PRKAA2: variants seen among roughly 807,000 people sequenced by gnomAD.
PRKAA2 encodes the protein protein kinase AMP-activated catalytic subunit alpha 2, also known as 5'-AMP-activated protein kinase catalytic subunit alpha-2.
In PRKAA2, 40 loss-of-function variants were observed where a neutral mutation model predicts 56.3. That is an observed-to-expected ratio of 0.71 (90% CI 0.55 to 0.92). The LOEUF is 0.92. PRKAA2 is among the 40% of genes least tolerant of loss of function. The pLI is 0.00. For missense variants in PRKAA2, 542 were observed against 686.9 expected, an observed-to-expected ratio of 0.79 and a Z score of 2.36; for synonymous variants, 214 against 234.2, an observed-to-expected ratio of 0.91 and a Z score of 0.79.
intron 6 of PRKAA2, among the ~76,000 whole-genome samples, chr1:56,699,310 A>C (rs908080202): frequency 6.6e-6 from 1 of 152,182 alleles, no homozygotes; most frequent in Non-Finnish European, 1.5e-5. Flanking sequence ...ACCTTAAGTC[A>C]TATATCAATT....
chr1:56,709,782 A>G lies in PRKAA2; in HGVS notation c.*2069A>G, dbSNP rs1456130153. 2.6e-5 allele frequency: 4 copies of G among 152,190 alleles called. No individual in the cohort carries two copies. The highest frequency in any genetic ancestry group is 3.8e-4 in the East Asian group (2 of 5,202). The allele number at this position is 152,190 out of a possible 1,614,324, so 9.4% of individuals were successfully genotyped here. A position where few individuals can be genotyped will look rare whatever the true frequency, so the allele number is the denominator to read the frequency against. On this transcript the variant is annotated 3_prime_UTR_variant, in exon 9 of 9. Transcript: ENST00000371244. ...CATTAGTCTAATAGGTCAGATATTA[A>G]AAAATTGTTCATATCAAAATTACCT...
chr1:56,688,051 A>G (rs1310489979), intron 2 of PRKAA2, among the ~76,000 whole-genome samples: 1 of 152,188 alleles, frequency 6.6e-6, no homozygotes. Flanking sequence ...ATTTCTTGTA[A>G]TGCTTCAATA....
chr1:56,701,035 G>A (rs893192571), intron 6 of PRKAA2, among the ~76,000 whole-genome samples: 1 of 151,978 alleles, frequency 6.6e-6, no homozygotes, highest in Admixed American at 6.6e-5. Context: ...TTAATTTCCA[G>A]GGTTCTGAAA....
At chr1:56,666,222 T>C (rs1366423658) in intron 1 of PRKAA2, among the ~76,000 whole-genome samples, 1 of 152,188 alleles carries the variant, frequency 6.6e-6, no homozygotes, top group Non-Finnish European at 1.5e-5. Context: ...GTTAGTTATG[T>C]GTTAGGTACT....
At chr1:56,699,039 C>T (rs1644276906) in intron 6 of PRKAA2, among the ~76,000 whole-genome samples, 1 of 152,172 alleles carries the variant, frequency 6.6e-6, no homozygotes, top group African/African-American at 2.4e-5. Flanking sequence ...AACTTAGTTA[C>T]TTCCCACATA....
chr1:56,650,226 A>G (rs901203180), intron 1 of PRKAA2, among the ~76,000 whole-genome samples: 1 of 152,240 alleles, frequency 6.6e-6, no homozygotes, highest in African/African-American at 2.4e-5. Flanking sequence ...TTGTTTTTTA[A>G]AAGTATATGG....
At chr1:56,686,491 G>T (rs1241500126) in intron 2 of PRKAA2, among the ~76,000 whole-genome samples, 7 of 152,090 alleles carry the variant, frequency 4.6e-5, no homozygotes, top group Admixed American at 4.6e-4. Context: ...GGTTTAATTG[G>T]CCCACAGTTC....
At chr1:56,665,136 C>T (rs1481798379) in intron 1 of PRKAA2, among the ~76,000 whole-genome samples, 1 of 150,136 alleles carries the variant, frequency 6.7e-6, no homozygotes, top group East Asian at 2.0e-4. Flanking sequence ...TACAGTGGCA[C>T]TGTCTTGGCT....
At chr1:56,697,835 G>A (rs1209195048) in intron 6 of PRKAA2, among the ~76,000 whole-genome samples, 3 of 151,458 alleles carry the variant, frequency 2.0e-5, no homozygotes, top group Admixed American at 6.6e-5. Flanking sequence ...AAGTCAAATG[G>A]TAATGATTCA....
At chr1:56,685,320 A>G (rs1360427633) in intron 2 of PRKAA2, among the ~76,000 whole-genome samples, 1 of 16,614 alleles carries the variant, frequency 6.0e-5, no homozygotes, top group African/African-American at 2.8e-4. Context: ...ATTCAGAATG[A>G]GAAGGAGTTA....
At chr1:56,649,536 A>T (rs887765099) in intron 1 of PRKAA2, among the ~76,000 whole-genome samples, 1 of 151,474 alleles carries the variant, frequency 6.6e-6, no homozygotes, top group Admixed American at 6.6e-5. Flanking sequence ...ATTGATTGAT[A>T]GAAAGATAGA....
At chr1:56,682,418 C>T (rs1644161450) in intron 2 of PRKAA2, among the ~76,000 whole-genome samples, 2 of 152,082 alleles carry the variant, frequency 1.3e-5, no homozygotes. Flanking sequence ...ATGTGAAAAT[C>T]TGGGGACAGA....
At chr1:56,691,361 T>C in intron 2 of PRKAA2, 33 bp from the exon 3 acceptor site, 1 of 1,538,116 alleles carries the variant, frequency 6.5e-7, no homozygotes, top group Non-Finnish European at 9.0e-7. Context: ...TAAAGTAACA[T>C]ACTTTGTTAA....
chr1:56,662,412 A>G (rs1219151843), intron 1 of PRKAA2, among the ~76,000 whole-genome samples: 2 of 152,032 alleles, frequency 1.3e-5, no homozygotes, highest in Non-Finnish European at 2.9e-5. Context: ...TTAATTTTTA[A>G]TTTTAATTTC....
chr1:56,648,144 C>T (rs1340743631), intron 1 of PRKAA2, among the ~76,000 whole-genome samples: 1 of 152,058 alleles, frequency 6.6e-6, no homozygotes, highest in East Asian at 1.9e-4. Context: ...CCAAATGTTG[C>T]AACCATCATT....
intron 7 of PRKAA2, 86 bp from the exon 8 acceptor site, chr1:56,706,005 AC>A: frequency 8.8e-7 from 1 of 1,136,046 alleles, no homozygotes; most frequent in Middle Eastern, 2.8e-4. Context: ...TTCCTACCTC[AC>A]CCCTATTAAT....
intron 1 of PRKAA2, among the ~76,000 whole-genome samples, chr1:56,673,567 C>T (rs1054256228): frequency 6.6e-6 from 1 of 152,142 alleles, no homozygotes; most frequent in African/African-American, 2.4e-5. Flanking sequence ...AGGGATTTTT[C>T]ACCTGAACAG....
intron 1 of PRKAA2, among the ~76,000 whole-genome samples, chr1:56,650,836 A>G (rs1426034968): frequency 6.6e-6 from 1 of 152,242 alleles, no homozygotes; most frequent in Non-Finnish European, 1.5e-5. Flanking sequence ...CAATAAATTA[A>G]GTAAATATTT....
At chr1:56,670,965 C>A (rs1644071043) in intron 1 of PRKAA2, among the ~76,000 whole-genome samples, 1 of 152,126 alleles carries the variant, frequency 6.6e-6, no homozygotes, top group African/African-American at 2.4e-5. Context: ...ATTAAAAAAT[C>A]TCTTCTCATG....
Sources: gnomAD v4.1 joint callset for allele counts (sites outside exome capture counted in the v4.1 genomes callset) on GRCh38, gnomAD v4.1.1 for gene constraint, MANE v1.5 for transcripts, NCBI Gene and HGNC (gene_info 2026-07-23, HGNC 2026-07-21) for gene names.